The following TFDP1 variants were observed in gnomAD, a reference collection of about 807,000 sequenced individuals.
TFDP1 encodes transcription factor Dp-1.
A neutral mutation model predicts 48.0 loss-of-function variants in TFDP1; 6 were observed. The ratio of observed to expected loss-of-function variants is 0.13; its 90% confidence interval spans 0.07 to 0.25. TFDP1 has a LOEUF of 0.25. Among genes scored for constraint, TFDP1 ranks in the 10% least tolerant of loss-of-function variants. TFDP1 has a pLI of 1.00. For missense variants in TFDP1, 335 were observed against 543.0 expected, an observed-to-expected ratio of 0.62 and a Z score of 3.81; for synonymous variants, 201 against 211.6, an observed-to-expected ratio of 0.95 and a Z score of 0.44.
intron 2 of TFDP1, among the ~76,000 whole-genome samples, chr13:113,608,224 G>A (rs1288162522): frequency 6.6e-6 from 1 of 152,176 alleles, no homozygotes; most frequent in African/African-American, 2.4e-5. Context: ...ACAGAAAAAA[G>A]GCACTGTGCC....
intron 4 of TFDP1, among the ~76,000 whole-genome samples, chr13:113,625,049 A>T (rs369499336): frequency 2.0e-5 from 2 of 97,952 alleles, no homozygotes; most frequent in Middle Eastern, 0.011. Flanking sequence ...GGTGTCTCTC[A>T]CGTGTCCTCA....
intron 2 of TFDP1, among the ~76,000 whole-genome samples, chr13:113,595,350 C>T (rs2048261011): frequency 6.6e-6 from 1 of 152,198 alleles, no homozygotes; most frequent in African/African-American, 2.4e-5. Flanking sequence ...TAAAAGACAT[C>T]TCAGGACACG....
At chr13:113,618,386 G>A (rs1171813184) in intron 3 of TFDP1, among the ~76,000 whole-genome samples, 3 of 152,186 alleles carry the variant, frequency 2.0e-5, no homozygotes, top group Non-Finnish European at 2.9e-5. Context: ...GCCGGGTATG[G>A]TTGTGCGAGC....
At position 113,623,019 on chromosome 13, in the gene TFDP1, C is replaced by G. The variant is rs934285969; in HGVS notation, c.80-161C>G. On this transcript the variant is annotated intron_variant, in intron 3 of 11. Coordinates refer to ENST00000375370, the MANE Select transcript of TFDP1 (RefSeq NM_007111.5). The surrounding 1 kb of genome is among the most constrained non-coding windows in gnomAD (Gnocchi z 5.2). ...TTACGGGTTTACATTGGGAATCAAG[C>G]TTCATGGAGGTGTTGCTCTTGAGCC... Among the ~76,000 whole-genome samples, 14 of 152,264 alleles carry G rather than the reference C, an allele frequency of 9.2e-5. No homozygotes were observed. Among genetic ancestry groups the G allele is most frequent in the African/African-American group, 3.4e-4 (14 of 41,474 alleles).
At chr13:113,596,103 C>T (rs534595888) in intron 2 of TFDP1, among the ~76,000 whole-genome samples, 179 of 152,270 alleles carry the variant, frequency 1.2e-3, no homozygotes, top group African/African-American at 4.0e-3. Flanking sequence ...GTATTAATGG[C>T]TCGGAGTAAC....
intron 4 of TFDP1, among the ~76,000 whole-genome samples, chr13:113,625,737 G>A (rs1295003240): frequency 8.0e-4 from 14 of 17,452 alleles, no homozygotes; most frequent in East Asian, 2.3e-3. Flanking sequence ...CGTCTCTCAC[G>A]TGTCCTCAGG....
At position 113,637,036 on chromosome 13, in the gene TFDP1, G is replaced by A. The variant is rs2049510318; in HGVS notation, c.1006+336G>A. 1.3e-5 allele frequency: 3 copies of A among 234,566 alleles called. No individual in the cohort carries two copies. The South Asian group carries it at 2.9e-4, about 23-fold the overall frequency. 14.5% of individuals were successfully genotyped at this position (234,566 alleles called of 1,614,324 possible). On this transcript the variant is annotated intron_variant, in intron 10 of 11. Coordinates refer to ENST00000375370, the MANE Select transcript of TFDP1 (RefSeq NM_007111.5). ...AAGTTGAGATTCTTTGAGAAGTGCA[G>A]TTGGATTGCTGATCCCACCCACTGA...
chr13:113,603,269 G>A (rs1390887248), intron 2 of TFDP1, among the ~76,000 whole-genome samples: 3 of 152,186 alleles, frequency 2.0e-5, no homozygotes, highest in East Asian at 3.9e-4. Context: ...TCATGCCCTC[G>A]CACCCTCCTG....
intron 2 of TFDP1, among the ~76,000 whole-genome samples, chr13:113,597,790 C>T (rs1194072522): frequency 6.6e-6 from 1 of 152,232 alleles, no homozygotes; most frequent in East Asian, 1.9e-4. Context: ...GCCGTGTGTC[C>T]AATGTGAGGG....
chr13:113,591,098 C>G (rs1000711330), intron 2 of TFDP1, among the ~76,000 whole-genome samples: 2 of 150,524 alleles, frequency 1.3e-5, no homozygotes, highest in Non-Finnish European at 3.0e-5. Context: ...TGCCTGTAAT[C>G]CCGGAGGCCA....
At chr13:113,625,960 T>C in intron 4 of TFDP1, among the ~76,000 whole-genome samples, 1 of 147,218 alleles carries the variant, frequency 6.8e-6, no homozygotes, top group African/African-American at 2.6e-5. Flanking sequence ...TCACGTGTCC[T>C]CAGGCGTCTC....
intron 8 of TFDP1, 28 bp from the exon 9 acceptor site, chr13:113,635,949 G>C (rs2049475382): frequency 6.2e-7 from 1 of 1,606,738 alleles, no homozygotes; most frequent in African/African-American, 1.3e-5. Context: ...GCCGCCACGG[G>C]CCACCTGGCT....
At position 113,637,871 on chromosome 13, in the gene TFDP1, T is replaced by A; in HGVS notation, c.1060T>A (p.Ser354Thr). ...GTTCATCACGACGGCAGGTTCCACGTCTAACGGCACAAGGTTCTCTGCCAG... is the reference window on the plus strand; with the variant it reads ...GTTCATCACGACGGCAGGTTCCACGACTAACGGCACAAGGTTCTCTGCCAG... ...GVFITTAGST[S>T]NGTRFSASDL... Residue 354 changes from serine (S) to threonine (T), a missense_variant, in exon 11 of 12, where the codon TCT (serine) becomes ACT (threonine). Physicochemically the swap from Ser to Thr is moderately conservative, Grantham distance 58 (BLOSUM62 1). Around this residue, in one of 3 missense-constraint regions of TFDP1, gnomAD observed 204 missense variants for 287.1 expected, o/e 0.71. Coordinates refer to ENST00000375370, the MANE Select transcript of TFDP1 (RefSeq NM_007111.5). 1 of 1,613,956 alleles carries A rather than the reference T, an allele frequency of 6.2e-7. No homozygotes were observed. Among genetic ancestry groups the A allele is most frequent in the Non-Finnish European group, 8.5e-7 (1 of 1,180,026 alleles).
chr13:113,625,809 GGTGTCTCAC>G, intron 4 of TFDP1, among the ~76,000 whole-genome samples: 1 of 122,558 alleles, frequency 8.2e-6, no homozygotes, highest in Admixed American at 8.9e-5. Context: ...CGTGTCCTCA[GGTGTCTCAC>G]GCGTCCTCAG....
At chr13:113,612,749 T>C (rs1028628235) in intron 3 of TFDP1, among the ~76,000 whole-genome samples, 1 of 152,248 alleles carries the variant, frequency 6.6e-6, no homozygotes, top group African/African-American at 2.4e-5. Context: ...TGCTTGAATC[T>C]GTAACAAGTT....
intron 1 of TFDP1, among the ~76,000 whole-genome samples, 165 bp downstream of exon 1, chr13:113,585,053 C>T (rs2047962879): frequency 6.8e-6 from 1 of 146,720 alleles, no homozygotes; most frequent in Non-Finnish European, 1.5e-5. Context: ...GGACCCCGCG[C>T]GCTCGGCGCT....
chr13:113,619,682 A>T (rs2048951326), intron 3 of TFDP1, among the ~76,000 whole-genome samples: 1 of 152,034 alleles, frequency 6.6e-6, no homozygotes, highest in Admixed American at 6.6e-5. Context: ...TCGGGGCCGG[A>T]CAGGGGGTAT....
Position 113,633,433 on chromosome 13 carries a change from G to A in TFDP1, c.474+148G>A, listed in dbSNP as rs1566675021. ...ATTTTTACCAAACGAGTCAGTAAGT[G>A]TGTGCCGGGGCCGAGAGGCTGGGGT... is the stretch of plus-strand genomic sequence containing the variant. On this transcript the variant is annotated intron_variant, in intron 6 of 11. Transcript: ENST00000375370. The surrounding 1 kb of genome is among the most constrained non-coding windows in gnomAD (Gnocchi z 4.5). 4.0e-6 allele frequency: 4 copies of A among 990,558 alleles called. No homozygotes were observed. In the African/African-American group the frequency reaches 4.9e-5, roughly 12 times the overall value. The allele number at this position is 990,558 out of a possible 1,614,324, so 61.4% of individuals were successfully genotyped here.
rs572863956 is a variant in TFDP1, at chr13:113,627,090, G to A, written c.186+3804G>A. On this transcript the variant is annotated intron_variant, in intron 4 of 11. Transcript: ENST00000375370. The surrounding 1 kb of genome is among the most constrained non-coding windows in gnomAD (Gnocchi z 4.1). ...GAATTAAAGCTGACAAAGGGCAAAT[G>A]TTTCTTAAACCTTTTTATATACCAG... 6.6e-5 allele frequency among the ~76,000 whole-genome samples: 10 copies of A among 152,294 alleles called. No individual in the cohort carries two copies. The highest frequency in any genetic ancestry group is 5.2e-4 in the Admixed American group (8 of 15,300).
Sources: allele counts gnomAD v4.1 joint callset (sites outside exome capture counted in the v4.1 genomes callset), GRCh38; gene constraint gnomAD v4.1.1; regional missense constraint gnomAD v4.1.1; non-coding constraint Gnocchi (gnomAD v3.1); transcripts MANE v1.5; gene names NCBI Gene and HGNC (gene_info 2026-07-23, HGNC 2026-07-21).